The following EVA1C variants were observed in gnomAD, a reference collection of about 807,000 sequenced individuals.
The protein encoded by EVA1C is protein eva-1 homolog C.
EVA1C carries 25 observed loss-of-function variants against 45.4 expected under a neutral mutation model. That is an observed-to-expected ratio of 0.55 (90% CI 0.40 to 0.77). EVA1C has a LOEUF of 0.77. Among genes scored for constraint, EVA1C ranks in the 30% least tolerant of loss-of-function variants. The pLI is 0.00. For synonymous variants in EVA1C, 190 were observed against 221.2 expected (o/e 0.86, Z 1.25); for missense variants, 479 against 554.8 (o/e 0.86, Z 1.37).
chr21:32,434,807 C>T (rs1211813381), intron 1 of EVA1C, among the ~76,000 whole-genome samples: 1 of 152,288 alleles, frequency 6.6e-6, no homozygotes, highest in African/African-American at 2.4e-5. Context: ...CTGACAATGC[C>T]TTCATCTCAG....
chr21:32,467,834 G>T lies in EVA1C; in HGVS notation c.620G>T (p.Arg207Leu), dbSNP rs548646804. Reference protein sequence around the residue: ...ERDICSSKAERLPPFDCLSYS... With the variant: ...ERDICSSKAELLPPFDCLSYS... ...GACATCTGCTCCTCCAAGGCAGAGCGGCTCCCCCCTTTCGGTATGTGCTTT... is the reference window on the plus strand; with the variant it reads ...GACATCTGCTCCTCCAAGGCAGAGCTGCTCCCCCCTTTCGGTATGTGCTTT... Residue 207 changes from arginine (R) to leucine (L), a missense_variant, in exon 4 of 8, where the codon CGG becomes CTG. By Grantham distance (102) the Arg-to-Leu change is moderately radical. This residue lies in a region of EVA1C where 366 missense variants were observed against 426.1 expected (regional missense o/e 0.86). Transcript: ENST00000300255. 1.4e-4 allele frequency: 223 copies of T among 1,608,964 alleles called. 5 individuals carry two copies. In the South Asian group the frequency reaches 2.3e-3, roughly 17 times the overall value.
intron 1 of EVA1C, among the ~76,000 whole-genome samples, chr21:32,416,396 T>C (rs1252609547): frequency 6.7e-6 from 1 of 149,320 alleles, no homozygotes; most frequent in Non-Finnish European, 1.5e-5. Flanking sequence ...TGGTACAGTC[T>C]CGGCTCACTG....
chr21:32,422,789 A>C (rs1001344999), intron 1 of EVA1C, among the ~76,000 whole-genome samples: 2 of 152,192 alleles, frequency 1.3e-5, no homozygotes, highest in African/African-American at 4.8e-5. Context: ...AGAACTATTA[A>C]AGGGGTCAGG....
chr21:32,427,180 T>C (rs554768185), intron 1 of EVA1C, among the ~76,000 whole-genome samples: 1 of 152,180 alleles, frequency 6.6e-6, no homozygotes, highest in Non-Finnish European at 1.5e-5. Context: ...ACCCTTTTAA[T>C]AAAAAGGCAC....
rs569858708 is a variant in EVA1C, at chr21:32,483,114, C to T, written c.635-11913C>T. On this transcript the variant is annotated intron_variant, in intron 4 of 7. Transcript: ENST00000300255. ...GTTCAAGCAATCCTCTCACCTCAGC[C>T]TCCCAAAATGTTGGGATTACAGGGA... Among the ~76,000 whole-genome samples the T allele has an allele frequency of 6.5e-5, 9 of 137,546 alleles. No individual in the cohort carries two copies. The East Asian group carries it at 1.9e-3, about 30-fold the overall frequency. The allele number at this position is 137,546 out of a possible 152,430, so 90.2% of individuals were successfully genotyped here.
intron 1 of EVA1C, among the ~76,000 whole-genome samples, chr21:32,422,807 G>A (rs2034332067): frequency 6.6e-6 from 1 of 152,126 alleles, no homozygotes; most frequent in African/African-American, 2.4e-5. Context: ...AGGTGCAGTG[G>A]CTCACATCTG....
chr21:32,512,103 A>G (rs1164522788), intron 7 of EVA1C, among the ~76,000 whole-genome samples: 1 of 152,132 alleles, frequency 6.6e-6, no homozygotes, highest in Non-Finnish European at 1.5e-5. Flanking sequence ...AAAAAAGGAA[A>G]CAGGGGAGTA....
intron 5 of EVA1C, among the ~76,000 whole-genome samples, chr21:32,498,224 A>G (rs866563797): frequency 6.6e-6 from 1 of 152,168 alleles, no homozygotes; most frequent in Non-Finnish European, 1.5e-5. Context: ...AGGCGGGCGC[A>G]TCATCTGAGG....
intron 3 of EVA1C, among the ~76,000 whole-genome samples, 178 bp from the exon 4 acceptor site, chr21:32,467,518 G>A (rs545707924): frequency 2.0e-5 from 3 of 152,258 alleles, no homozygotes; most frequent in East Asian, 1.9e-4. Context: ...CTTCCCACCC[G>A]CTTCCTGCAG....
chr21:32,421,776 G>C (rs1313990461), intron 1 of EVA1C, among the ~76,000 whole-genome samples: 1 of 152,202 alleles, frequency 6.6e-6, no homozygotes, highest in African/African-American at 2.4e-5. Flanking sequence ...GGGCATGGTG[G>C]CTCATGCCTG....
At chr21:32,511,419 C>CAAAAA (rs749141703) in intron 7 of EVA1C, among the ~76,000 whole-genome samples, 105 of 46,682 alleles carry the variant, frequency 2.2e-3, no homozygotes, top group African/African-American at 2.5e-3. Context: ...AACTCCGTCT[C>CAAAAA]AAAAAAAAAA....
intron 3 of EVA1C, among the ~76,000 whole-genome samples, chr21:32,462,896 T>C (rs888499427): frequency 2.6e-5 from 4 of 152,214 alleles, no homozygotes; most frequent in Admixed American, 6.5e-5. Flanking sequence ...ACTGGCTTGC[T>C]GTGATGATTT....
chr21:32,489,653 A>G (rs1010071241), intron 4 of EVA1C, among the ~76,000 whole-genome samples: 17 of 152,196 alleles, frequency 1.1e-4, no homozygotes, highest in Admixed American at 2.0e-4. Flanking sequence ...TTGGAATTTT[A>G]TAGGGATTGC....
At position 32,514,821 on chromosome 21, in the gene EVA1C, G is replaced by A. The variant is rs1129157; in HGVS notation, c.957G>A (p.Pro319=). ...GTTCTCTTCCTCCTGCAGCCCACCC[G>A]GAGAGAGCTGCCCTGCTGTTCGTGT... ...LAAFAYIRAH[P]ERAALLFVSS... The change falls in exon 8 of 8, where the codon CCG becomes CCA. Residue 319 remains proline, a synonymous_variant. Coordinates refer to ENST00000300255, the MANE Select transcript of EVA1C (RefSeq NM_058187.5). 0.32 allele frequency: 499,163 copies of A among 1,556,410 alleles called. 88,391 individuals carry two copies. The highest frequency in any genetic ancestry group is 0.68 in the East Asian group (29,772 of 44,096).
chr21:32,427,371 C>A (rs1487408061), intron 1 of EVA1C, among the ~76,000 whole-genome samples: 1 of 152,204 alleles, frequency 6.6e-6, no homozygotes, highest in Non-Finnish European at 1.5e-5. Flanking sequence ...TATTGATCTT[C>A]TCAAATGCCT....
At chr21:32,435,886 AT>A (rs963287400) in intron 1 of EVA1C, among the ~76,000 whole-genome samples, 11 of 152,266 alleles carry the variant, frequency 7.2e-5, no homozygotes, top group African/African-American at 2.7e-4. Flanking sequence ...ACTAGCATGG[AT>A]TATACTGTTC....
At chr21:32,497,033 A>G in intron 5 of EVA1C, 1 of 1,356,616 alleles carries the variant, frequency 7.4e-7, no homozygotes, top group South Asian at 1.2e-5. Context: ...GTCTGTATTG[A>G]CAGCTATGGA....
chr21:32,479,104 G>A (rs1214837905), intron 4 of EVA1C, among the ~76,000 whole-genome samples: 1 of 152,234 alleles, frequency 6.6e-6, no homozygotes, highest in Non-Finnish European at 1.5e-5. Flanking sequence ...CATGTATTGG[G>A]GGTGGAGGGC....
intron 1 of EVA1C, among the ~76,000 whole-genome samples, chr21:32,423,070 C>CCAAA (rs2034347071): frequency 1.2e-5 from 1 of 85,626 alleles, no homozygotes; most frequent in African/African-American, 4.6e-5. Context: ...GACTCTGTCT[C>CCAAA]AAAAAAAAAA....
Sources: gnomAD v4.1 joint callset for allele counts (sites outside exome capture counted in the v4.1 genomes callset) on GRCh38, gnomAD v4.1.1 for gene constraint, gnomAD v4.1.1 regional missense constraint, MANE v1.5 for transcripts, NCBI Gene and HGNC (gene_info 2026-07-23, HGNC 2026-07-21) for gene names.